The following RABGEF1 variants were observed in gnomAD, a reference collection of about 807,000 sequenced individuals.
RABGEF1 encodes the protein rab5 GDP/GTP exchange factor.
RABGEF1 carries 26 observed loss-of-function variants against 57.3 expected under a neutral mutation model. The ratio of observed to expected loss-of-function variants is 0.45; its 90% CI spans 0.33 to 0.63. The LOEUF (loss-of-function observed/expected upper bound fraction) is 0.63, where lower values mean the gene tolerates loss of function less well. Among genes scored for constraint, RABGEF1 ranks in the 20% least tolerant of loss-of-function variants. The pLI is 0.02. For missense variants in RABGEF1, 464 were observed against 607.6 expected (o/e 0.76, Z 2.48); for synonymous variants, 185 against 210.7 (o/e 0.88, Z 1.06).
intron 1 of RABGEF1, among the ~76,000 whole-genome samples, chr7:66,687,072 C>T (rs1341739047): frequency 1.3e-5 from 2 of 149,390 alleles, no homozygotes; most frequent in African/African-American, 4.9e-5. Context: ...CTGCCAGCCT[C>T]AGCCTCCCAA....
intron 1 of RABGEF1, among the ~76,000 whole-genome samples, chr7:66,710,454 T>C (rs1794643218): frequency 6.6e-6 from 1 of 152,244 alleles, no homozygotes; most frequent in Non-Finnish European, 1.5e-5. Flanking sequence ...TTTAAGAAAC[T>C]GCTAAACTGT....
chr7:66,683,553 A>T (rs1349295365), intron 1 of RABGEF1, among the ~76,000 whole-genome samples: 11 of 152,088 alleles, frequency 7.2e-5, no homozygotes. Flanking sequence ...GCTAAGATGG[A>T]GCACCGAGGA....
chr7:66,719,567 C>T (rs1267489982), intron 2 of RABGEF1, among the ~76,000 whole-genome samples: 1 of 152,068 alleles, frequency 6.6e-6, no homozygotes, highest in African/African-American at 2.4e-5. Context: ...TAAATCCTTT[C>T]AAATAATTAA....
intron 3 of RABGEF1, among the ~76,000 whole-genome samples, chr7:66,776,069 A>T (rs1808453318): frequency 6.6e-6 from 1 of 152,236 alleles, no homozygotes. Context: ...TGAAGCAAGA[A>T]AGACTCTTTG....
At chr7:66,775,054 G>C (rs1808197073) in intron 2 of RABGEF1, among the ~76,000 whole-genome samples, 173 bp from the exon 3 acceptor site, 1 of 152,194 alleles carries the variant, frequency 6.6e-6, no homozygotes. Flanking sequence ...GAAATCTGTA[G>C]TGCATGAAGA....
intron 2 of RABGEF1, among the ~76,000 whole-genome samples, chr7:66,728,748 C>T (rs1464123576): frequency 6.6e-6 from 1 of 151,386 alleles, no homozygotes; most frequent in African/African-American, 2.4e-5. Flanking sequence ...CCATCCTCAC[C>T]TCGACCCTCA....
chr7:66,755,171 G>A (rs1308102625), intron 1 of RABGEF1, among the ~76,000 whole-genome samples: 2 of 152,346 alleles, frequency 1.3e-5, no homozygotes, highest in Admixed American at 6.5e-5. Flanking sequence ...GCAGGTGCCT[G>A]TAGTCCCAGC....
At chr7:66,794,968 G>A (rs531945939) in intron 4 of RABGEF1, among the ~76,000 whole-genome samples, 1 of 152,302 alleles carries the variant, frequency 6.6e-6, no homozygotes, top group Non-Finnish European at 1.5e-5. Context: ...TTAAGAATAC[G>A]TAGATTTAGC....
intron 1 of RABGEF1, among the ~76,000 whole-genome samples, chr7:66,759,881 G>A (rs1036821144): frequency 4.6e-5 from 7 of 152,144 alleles, no homozygotes; most frequent in African/African-American, 1.7e-4. Flanking sequence ...TATCACATAG[G>A]CATATAGTCC....
chr7:66,729,218 G>A (rs1179426893), intron 2 of RABGEF1, among the ~76,000 whole-genome samples: 1 of 150,588 alleles, frequency 6.6e-6, no homozygotes, highest in African/African-American at 2.5e-5. Context: ...CCAAAGTGCT[G>A]GGATTACAGG....
chr7:66,775,169 A>T (rs1228261360), intron 2 of RABGEF1, 58 bp from the exon 3 acceptor site: 3 of 1,531,596 alleles, frequency 2.0e-6, no homozygotes, highest in Non-Finnish European at 2.6e-6. Flanking sequence ...AATAACCTTC[A>T]CATACAGAGA....
intron 4 of RABGEF1, among the ~76,000 whole-genome samples, chr7:66,785,750 T>C: frequency 6.6e-6 from 1 of 152,112 alleles, no homozygotes; most frequent in East Asian, 1.9e-4. Context: ...GGCAGGCGCC[T>C]GTAGTCCCAG....
At chr7:66,659,495 A>G in the RABGEF1 span, among the ~76,000 whole-genome samples, 45 of 149,598 alleles carry the variant, frequency 3.0e-4, no homozygotes, top group African/African-American at 1.1e-3. Context: ...ACACTGCCCA[A>G]CTGGCTGGCC....
chr7:66,762,320 G>A (rs774747680), intron 1 of RABGEF1, among the ~76,000 whole-genome samples: 15 of 152,304 alleles, frequency 9.8e-5, no homozygotes, highest in Admixed American at 2.6e-4. Context: ...GCTGGGTGCA[G>A]TGGCTCATGC....
intron 1 of RABGEF1, among the ~76,000 whole-genome samples, chr7:66,761,155 CAT>C (rs1327636141): frequency 6.6e-6 from 1 of 152,150 alleles, no homozygotes; most frequent in East Asian, 1.9e-4. Context: ...CTTCCATGAC[CAT>C]ATGTGTTGGG....
intron 2 of RABGEF1, among the ~76,000 whole-genome samples, chr7:66,728,955 T>TACCACCA (rs1310702475): frequency 3.4e-5 from 5 of 148,156 alleles, no homozygotes; most frequent in Admixed American, 6.7e-5. Context: ...CCTCCACTTT[T>TACCACCA]TTTTTTTTTT....
rs572207698 is a variant in RABGEF1, at chr7:66,700,799, G to A, written c.-872-11368G>A. ...TGGGAACTCCAAGACAGAATGGCCC[G>A]AGGCCTGGACACTCTCTGAGGACAT... is the stretch of plus-strand genomic sequence containing the variant. On this transcript the variant is annotated intron_variant and NMD_transcript_variant, in intron 1 of 9. Coordinates refer to the RABGEF1 transcript ENST00000607882. Among the ~76,000 whole-genome samples the A allele has an allele frequency of 6.6e-5, 10 of 152,330 alleles. No individual in the cohort carries two copies. The South Asian group carries it at 1.2e-3, about 19-fold the overall frequency.
At chr7:66,723,675 G>T (rs1213091321) in intron 2 of RABGEF1, among the ~76,000 whole-genome samples, 1 of 151,756 alleles carries the variant, frequency 6.6e-6, no homozygotes, top group African/African-American at 2.4e-5. Context: ...CTGCCTCCTG[G>T]GTTCAAGTGA....
the RABGEF1 span, among the ~76,000 whole-genome samples, chr7:66,672,475 G>A: frequency 6.6e-6 from 1 of 152,096 alleles, no homozygotes; most frequent in African/African-American, 2.4e-5. Context: ...TCCCAAGAAA[G>A]GACTTCTGAC....
Sources: allele counts gnomAD v4.1 joint callset (sites outside exome capture counted in the v4.1 genomes callset), GRCh38; gene constraint gnomAD v4.1.1; transcripts MANE v1.5; gene names NCBI Gene and HGNC (gene_info 2026-07-23, HGNC 2026-07-21).